SOX5: variants seen among roughly 807,000 people sequenced by gnomAD.
SOX5 encodes transcription factor SOX-5.
A neutral mutation model predicts 92.0 loss-of-function variants in SOX5; 9 were observed. The observed-to-expected ratio is 0.10, with a 90% CI of 0.06 to 0.17. The LOEUF (loss-of-function observed/expected upper bound fraction) is 0.17. Among genes scored for constraint, SOX5 ranks in the 10% least tolerant of loss-of-function variants. The probability of loss-of-function intolerance (pLI) is 1.00; values close to 1 mark genes in which losing one functional copy is unlikely to be tolerated. For missense variants in SOX5, 642 were observed against 944.5 expected (o/e 0.68, Z 4.20); for synonymous variants, 344 against 336.3 (o/e 1.02, Z -0.25).
chr12:24,329,462 C>T (rs1057198522), intron 2 of SOX5, among the ~76,000 whole-genome samples: 8 of 152,282 alleles, frequency 5.3e-5, no homozygotes, highest in African/African-American at 1.9e-4. Flanking sequence ...CCCCCAAAGT[C>T]CATTCACCTC....
intron 4 of SOX5, among the ~76,000 whole-genome samples, chr12:24,162,981 A>G (rs974140494): frequency 6.6e-6 from 1 of 152,036 alleles, no homozygotes; most frequent in Non-Finnish European, 1.5e-5. Flanking sequence ...TAGGTAAATG[A>G]GCTCTGCAAA....
At chr12:23,856,737 A>G (rs1308080286) in intron 2 of SOX5, among the ~76,000 whole-genome samples, 1 of 152,168 alleles carries the variant, frequency 6.6e-6, no homozygotes, top group Non-Finnish European at 1.5e-5. Flanking sequence ...ACCTGAAATA[A>G]TTAGTAATCA....
chr12:23,999,486 G>C (rs1227550475), intron 4 of SOX5, among the ~76,000 whole-genome samples: 1 of 151,994 alleles, frequency 6.6e-6, no homozygotes, highest in Non-Finnish European at 1.5e-5. Context: ...AATAATCTGA[G>C]GTGATAGATA....
At chr12:24,545,706 GGCACTT>G (rs1274022332) in intron 1 of SOX5, among the ~76,000 whole-genome samples, 1 of 152,178 alleles carries the variant, frequency 6.6e-6, no homozygotes, top group Non-Finnish European at 1.5e-5. Flanking sequence ...GCTGCCCAGC[GGCACTT>G]GCTCTCCCAG....
At chr12:24,075,537 T>A (rs1011927811) in intron 4 of SOX5, among the ~76,000 whole-genome samples, 2 of 152,136 alleles carry the variant, frequency 1.3e-5, no homozygotes, top group African/African-American at 4.8e-5. Context: ...GACAGATATA[T>A]AAGGGGTAGA....
intron 9 of SOX5, among the ~76,000 whole-genome samples, chr12:23,595,664 C>T (rs1485893700): frequency 6.7e-6 from 1 of 149,954 alleles, no homozygotes; most frequent in Admixed American, 6.7e-5. Flanking sequence ...GAATGTACTT[C>T]CATTTTCTAT....
chr12:24,061,759 A>C (rs1498881), intron 4 of SOX5, among the ~76,000 whole-genome samples: 45,680 of 147,612 alleles, frequency 0.31, 7,176 homozygotes, highest in Middle Eastern at 0.45. Flanking sequence ...AAAAAAAAAA[A>C]AAAACCTTTC....
chr12:23,978,131 C>A (rs1949125875), intron 4 of SOX5, among the ~76,000 whole-genome samples: 1 of 152,018 alleles, frequency 6.6e-6, no homozygotes, highest in African/African-American at 2.4e-5. Context: ...GAGTAAGGAC[C>A]CAAAGGTGTG....
At chr12:23,819,585 C>A (rs112026930) in intron 3 of SOX5, among the ~76,000 whole-genome samples, 1 of 152,100 alleles carries the variant, frequency 6.6e-6, no homozygotes, top group Admixed American at 6.5e-5. Context: ...CTAGTCCCCC[C>A]ACTCCCCGAC....
At chr12:23,632,542 C>G (rs922624036) in intron 8 of SOX5, among the ~76,000 whole-genome samples, 2 of 152,000 alleles carry the variant, frequency 1.3e-5, no homozygotes, top group Non-Finnish European at 2.9e-5. Flanking sequence ...CATATAAAGC[C>G]ATGCTCAGTC....
chr12:23,905,430 A>G (rs1032642554), intron 1 of SOX5, among the ~76,000 whole-genome samples: 4 of 152,212 alleles, frequency 2.6e-5, no homozygotes, highest in Non-Finnish European at 5.9e-5. Flanking sequence ...AGACTGTTTT[A>G]TTATGAGTAA....
At chr12:24,058,668 C>T (rs1939063078) in intron 4 of SOX5, among the ~76,000 whole-genome samples, 1 of 152,110 alleles carries the variant, frequency 6.6e-6, no homozygotes, top group Non-Finnish European at 1.5e-5. Flanking sequence ...TTAAAAGATA[C>T]AGGCTTTTTA....
chr12:24,349,597 G>T (rs1953805603), intron 2 of SOX5, among the ~76,000 whole-genome samples: 1 of 152,106 alleles, frequency 6.6e-6, no homozygotes, highest in Non-Finnish European at 1.5e-5. Context: ...TCATATAATA[G>T]CATGTGTCAG....
intron 4 of SOX5, among the ~76,000 whole-genome samples, chr12:24,070,885 G>A (rs977403611): frequency 2.0e-5 from 3 of 152,042 alleles, no homozygotes; most frequent in African/African-American, 7.2e-5. Context: ...ATCCACCAGG[G>A]GTAACCTCCA....
At chr12:23,966,241 A>AAAAAAAAAAAAAAAAAAAAT (rs1569302878) in intron 4 of SOX5, among the ~76,000 whole-genome samples, 1 of 129,216 alleles carries the variant, frequency 7.7e-6, no homozygotes, top group African/African-American at 2.8e-5. Flanking sequence ...AAAAAAAAAA[A>AAAAAAAAAAAAAAAAAAAAT]GCTGTTTGGG....
intron 1 of SOX5, 93 bp from the exon 2 acceptor site, chr12:23,896,117 C>T: frequency 2.4e-6 from 2 of 840,038 alleles, no homozygotes; most frequent in Middle Eastern, 3.6e-4. Flanking sequence ...AACAGAAATG[C>T]CTTTTTGTGC....
chr12:24,069,230 G>A (rs2137407994), intron 4 of SOX5, among the ~76,000 whole-genome samples: 1 of 152,234 alleles, frequency 6.6e-6, no homozygotes, highest in Non-Finnish European at 1.5e-5. Context: ...AATCAGCATG[G>A]AAACTTAATA....
At chr12:24,306,691 C>A (rs1009336040) in intron 2 of SOX5, among the ~76,000 whole-genome samples, 7 of 152,124 alleles carry the variant, frequency 4.6e-5, no homozygotes, top group African/African-American at 1.7e-4. Context: ...CCAAGATAGC[C>A]AAAACCCAGA....
chr12:23,914,576 C>G (rs1173678428), intron 1 of SOX5, among the ~76,000 whole-genome samples: 1 of 151,854 alleles, frequency 6.6e-6, no homozygotes, highest in Non-Finnish European at 1.5e-5. Flanking sequence ...TTGAGTGATA[C>G]CAATAATAAC....
Sources: gnomAD v4.1 joint callset for allele counts (sites outside exome capture counted in the v4.1 genomes callset) on GRCh38, gnomAD v4.1.1 for gene constraint, MANE v1.5 for transcripts, NCBI Gene and HGNC (gene_info 2026-07-23, HGNC 2026-07-21) for gene names.